Variants in SGCZ observed in about 807,000 individuals in gnomAD.
The protein encoded by SGCZ is zeta-sarcoglycan.
Under a neutral mutation model 41.3 loss-of-function variants are expected in SGCZ, and 40 were observed. The observed-to-expected ratio is 0.97, with a 90% confidence interval of 0.75 to 1.26. SGCZ has a LOEUF of 1.26. Among genes scored for constraint, SGCZ ranks in the 50% most tolerant of loss-of-function variants. The pLI, the probability that SGCZ is intolerant of heterozygous loss-of-function variation, is 0.00. For synonymous variants in SGCZ, 206 were observed against 137.5 expected (o/e 1.50, Z -3.49); for missense variants, 552 against 369.8 (o/e 1.49, Z -4.04).
chr8:14,262,427 A>G (rs1040261931), intron 3 of SGCZ, among the ~76,000 whole-genome samples: 8 of 152,144 alleles, frequency 5.3e-5, no homozygotes, highest in African/African-American at 1.9e-4. Flanking sequence ...GAGCATAGGA[A>G]TGAATATATA....
intron 1 of SGCZ, among the ~76,000 whole-genome samples, chr8:15,111,859 C>T (rs1807073857): frequency 6.6e-6 from 1 of 151,068 alleles, no homozygotes; most frequent in Non-Finnish European, 1.5e-5. Context: ...GAGATTACAC[C>T]ACCGCACTCC....
At chr8:14,457,114 G>T (rs1049335231) in intron 2 of SGCZ, among the ~76,000 whole-genome samples, 1 of 152,156 alleles carries the variant, frequency 6.6e-6, no homozygotes, top group Non-Finnish European at 1.5e-5. Context: ...ATACCTCTCA[G>T]ATATGATTAT....
intron 3 of SGCZ, among the ~76,000 whole-genome samples, chr8:14,271,477 G>C (rs943930958): frequency 3.3e-5 from 5 of 152,188 alleles, no homozygotes; most frequent in African/African-American, 1.2e-4. Context: ...TGAAGGAGAT[G>C]TCTCATTTGA....
At chr8:15,142,059 GT>G (rs538275193) in intron 1 of SGCZ, among the ~76,000 whole-genome samples, 30 of 152,192 alleles carry the variant, frequency 2.0e-4, no homozygotes, top group Non-Finnish European at 3.4e-4. Context: ...GCTTATAAAG[GT>G]TCCCAACAGA....
chr8:15,206,892 T>C (rs997443973), intron 1 of SGCZ, among the ~76,000 whole-genome samples: 1 of 151,986 alleles, frequency 6.6e-6, no homozygotes, highest in Admixed American at 6.6e-5. Flanking sequence ...AGAATTGGAA[T>C]GAAAGGTAGG....
At chr8:14,943,370 G>A (rs1223698462) in intron 1 of SGCZ, among the ~76,000 whole-genome samples, 2 of 152,194 alleles carry the variant, frequency 1.3e-5, no homozygotes, top group Non-Finnish European at 2.9e-5. Context: ...GGGTCAAAAA[G>A]GCACTAAGTA....
chr8:15,233,589 G>A (rs1470112871), intron 1 of SGCZ, among the ~76,000 whole-genome samples: 1 of 151,780 alleles, frequency 6.6e-6, no homozygotes, highest in Non-Finnish European at 1.5e-5. Flanking sequence ...CAAGTTCTTG[G>A]TAGATGAAAT....
intron 2 of SGCZ, among the ~76,000 whole-genome samples, chr8:14,521,054 T>C (rs572653190): frequency 6.6e-6 from 1 of 152,144 alleles, no homozygotes; most frequent in Non-Finnish European, 1.5e-5. Flanking sequence ...AATTCCCGTG[T>C]ACATCGTACT....
chr8:14,743,654 A>C (rs564313141), intron 1 of SGCZ, among the ~76,000 whole-genome samples: 1 of 152,096 alleles, frequency 6.6e-6, no homozygotes, highest in Non-Finnish European at 1.5e-5. Context: ...AAAAGAGTGA[A>C]GATTTCCCCT....
Position 14,473,585 on chromosome 8 carries a change from CAT to C in SGCZ, c.234+81145_234+81146del, listed in dbSNP as rs1026407268. On this transcript the variant is annotated intron_variant, in intron 2 of 7. Coordinates refer to ENST00000382080, the MANE Select transcript of SGCZ (RefSeq NM_139167.4). Reference sequence around the variant, plus strand: ...TGTTAGTGATAGGTATTAGTGAAAACATGTGGTGAAAATTCACAAATGAATAG... The same window carrying C: ...TGTTAGTGATAGGTATTAGTGAAAACGTGGTGAAAATTCACAAATGAATAG... Among the ~76,000 whole-genome samples, 50 of 152,114 alleles carry C rather than the reference CAT, an allele frequency of 3.3e-4. 1 individual carries two copies. The highest frequency in any genetic ancestry group is 1.2e-3 in the African/African-American group (48 of 41,504).
chr8:14,244,556 G>A (rs1053905164), intron 3 of SGCZ, among the ~76,000 whole-genome samples: 7 of 152,002 alleles, frequency 4.6e-5, no homozygotes, highest in Non-Finnish European at 1.0e-4. Flanking sequence ...TTTTGGCTTA[G>A]GATTGACTTG....
intron 4 of SGCZ, among the ~76,000 whole-genome samples, chr8:14,214,496 G>C (rs1192847657): frequency 1.3e-5 from 2 of 151,974 alleles, no homozygotes; most frequent in Non-Finnish European, 2.9e-5. Flanking sequence ...GTTAATCATA[G>C]GAAAAACTGG....
intron 3 of SGCZ, among the ~76,000 whole-genome samples, chr8:14,269,297 A>G (rs980041716): frequency 6.6e-6 from 1 of 152,164 alleles, no homozygotes; most frequent in Admixed American, 6.5e-5. Context: ...ACTGTTCTTA[A>G]ATATTAAGAA....
At chr8:15,056,829 G>A (rs973221010) in intron 1 of SGCZ, among the ~76,000 whole-genome samples, 1 of 152,180 alleles carries the variant, frequency 6.6e-6, no homozygotes, top group Non-Finnish European at 1.5e-5. Context: ...AATTGTGCCA[G>A]TGTCAGCAAT....
chr8:15,210,326 T>C (rs1010062068), intron 1 of SGCZ, among the ~76,000 whole-genome samples: 11 of 152,172 alleles, frequency 7.2e-5, no homozygotes, highest in South Asian at 2.1e-4. Flanking sequence ...CTTTATGATA[T>C]GAAGTCATTC....
At chr8:14,955,822 G>A (rs1308442675) in intron 1 of SGCZ, among the ~76,000 whole-genome samples, 1 of 151,486 alleles carries the variant, frequency 6.6e-6, no homozygotes, top group African/African-American at 2.4e-5. Flanking sequence ...TTTTTGTGTT[G>A]CAAGAGCCCA....
At chr8:14,283,381 A>T (rs1036383498) in intron 3 of SGCZ, among the ~76,000 whole-genome samples, 1 of 152,170 alleles carries the variant, frequency 6.6e-6, no homozygotes, top group African/African-American at 2.4e-5. Context: ...GTCCTCTGTA[A>T]GAGAATGCAA....
intron 2 of SGCZ, among the ~76,000 whole-genome samples, chr8:14,516,635 T>G (rs995696669): frequency 6.6e-6 from 1 of 152,114 alleles, no homozygotes; most frequent in Non-Finnish European, 1.5e-5. Context: ...ATTTGTTTGG[T>G]ACTATTCCTA....
chr8:14,288,818 A>G (rs1482476731), intron 3 of SGCZ, among the ~76,000 whole-genome samples: 2 of 152,120 alleles, frequency 1.3e-5, no homozygotes, highest in East Asian at 1.9e-4. Context: ...TTGATAAGCC[A>G]TATTTTACTT....
Sources: allele counts gnomAD v4.1 joint callset (sites outside exome capture counted in the v4.1 genomes callset), GRCh38; gene constraint gnomAD v4.1.1; transcripts MANE v1.5; gene names NCBI Gene and HGNC (gene_info 2026-07-23, HGNC 2026-07-21).